Variants in SCAMP1 observed in about 807,000 individuals in gnomAD.
SCAMP1 encodes secretory carrier membrane protein 1.
SCAMP1 carries 15 observed loss-of-function variants against 41.8 expected under a neutral mutation model. The ratio of observed to expected loss-of-function variants is 0.36; its 90% CI spans 0.24 to 0.55. The LOEUF is 0.55. Ranked by LOEUF, SCAMP1 falls within the 20% of genes least tolerant of loss-of-function variation. SCAMP1 has a pLI of 0.86. For missense variants in SCAMP1, 341 were observed against 412.6 expected (o/e 0.83, Z 1.50); for synonymous variants, 135 against 136.8 (o/e 0.99, Z 0.09).
chr5:78,459,519 A>G (rs1753529632), intron 8 of SCAMP1, among the ~76,000 whole-genome samples, 157 bp downstream of exon 8: 1 of 152,236 alleles, frequency 6.6e-6, no homozygotes. Flanking sequence ...AGTTATGCAT[A>G]AGTACATTTT....
Position 78,460,755 on chromosome 5 carries a change from T to TCCGTCCGTC in SCAMP1, c.852+1395_852+1396insGTCCGTCCC, listed in dbSNP as rs1207975167. ...TTGGTTTCTTTTCTCCTTCCTTCCTTCCTTCCTTCCTTCCTTCCTTCCTTC... is the reference window on the plus strand; with the variant it reads ...TTGGTTTCTTTTCTCCTTCCTTCCTTCCGTCCGTCCCTTCCTTCCTTCCTTCCTTCCTTC... On this transcript the variant is annotated intron_variant, in intron 8 of 8. Transcript: ENST00000621999. Among the ~76,000 whole-genome samples, 71 of 24,320 alleles carry TCCGTCCGTC rather than the reference T, an allele frequency of 2.9e-3. 1 individual carries two copies. Among genetic ancestry groups the TCCGTCCGTC allele is most frequent in the African/African-American group, 0.017 (70 of 4,096 alleles). 16.0% of individuals were successfully genotyped at this position (24,320 alleles called of 152,430 possible). A position where few individuals can be genotyped will look rare whatever the true frequency, so the allele number is the denominator to read the frequency against.
Position 78,462,591 on chromosome 5 carries a change from G to T in SCAMP1, c.852+3229G>T, listed in dbSNP as rs144988116. ...TACTTGCCTTGGCCTCCCAAAGTTC[G>T]GGATTACAGGTGTGAGCCACCACAC... On this transcript the variant is annotated intron_variant, in intron 8 of 8. Coordinates refer to ENST00000621999, the MANE Select transcript of SCAMP1 (RefSeq NM_004866.6). Among the ~76,000 whole-genome samples the T allele has an allele frequency of 8.9e-3, 1,348 of 152,134 alleles. 16 individuals are homozygous for T. Among genetic ancestry groups the T allele is most frequent in the African/African-American group, 0.031 (1,270 of 41,506 alleles).
intron 2 of SCAMP1, among the ~76,000 whole-genome samples, chr5:78,414,325 C>T (rs2112134120): frequency 6.6e-6 from 1 of 151,956 alleles, no homozygotes; most frequent in South Asian, 2.1e-4. Flanking sequence ...CTCTGTCTCC[C>T]AGGCTGGAGT....
At chr5:78,471,970 A>C (rs1405380818) in intron 8 of SCAMP1, among the ~76,000 whole-genome samples, 1 of 152,054 alleles carries the variant, frequency 6.6e-6, no homozygotes, top group Non-Finnish European at 1.5e-5. Context: ...TTTTCCTAGA[A>C]CTAAATATTA....
At chr5:78,447,991 CCTCCT>C (rs1561280711) in intron 6 of SCAMP1, among the ~76,000 whole-genome samples, 5 of 30,892 alleles carry the variant, frequency 1.6e-4, no homozygotes, top group East Asian at 1.1e-3. Flanking sequence ...CCCGTCCTCT[CCTCCT>C]CCCTCCTCTC....
chr5:78,466,484 A>C (rs1280987961), intron 8 of SCAMP1, among the ~76,000 whole-genome samples: 2 of 152,170 alleles, frequency 1.3e-5, no homozygotes, highest in African/African-American at 4.8e-5. Flanking sequence ...GGTACCAGAG[A>C]GTGGGGATAC....
At chr5:78,460,654 A>T (rs1266554040) in intron 8 of SCAMP1, among the ~76,000 whole-genome samples, 1 of 150,804 alleles carries the variant, frequency 6.6e-6, no homozygotes, top group African/African-American at 2.5e-5. Flanking sequence ...GTCCTTTGTC[A>T]GATGCATAGT....
At chr5:78,362,593 A>T (rs1182789035) in intron 1 of SCAMP1, among the ~76,000 whole-genome samples, 1 of 152,240 alleles carries the variant, frequency 6.6e-6, no homozygotes, top group Non-Finnish European at 1.5e-5. Context: ...TGTAAAATGC[A>T]TCAGGGACAG....
In SCAMP1 at chr5:78,376,964, TAGG is replaced by T. The variant is rs141071759; in HGVS notation, c.58-11867_58-11865del. ...TTGACAGGGTGATCCTAAGAAAAGT[TAGG>T]AGGAGATTAAGCTTAGATATGAAGA... On this transcript the variant is annotated intron_variant, in intron 1 of 8. Coordinates refer to ENST00000621999, the MANE Select transcript of SCAMP1 (RefSeq NM_004866.6). 5.9e-3 allele frequency among the ~76,000 whole-genome samples: 904 copies of T among 152,278 alleles called. 10 individuals carry two copies. Among genetic ancestry groups the T allele is most frequent in the African/African-American group, 0.021 (864 of 41,554 alleles).
intron 1 of SCAMP1, among the ~76,000 whole-genome samples, chr5:78,369,768 A>G (rs577706800): frequency 1.3e-5 from 2 of 152,352 alleles, no homozygotes; most frequent in South Asian, 4.1e-4. Context: ...AAGTATGATC[A>G]GTTCAGCTAG....
rs1048895259 is a variant in SCAMP1 at position 78,480,001 on chromosome 5, T to G, written c.*4333T>G. Reference sequence around the variant, plus strand: ...GCGGAGCTTGCAGTGAGCCGAGATCTCTCCACTGCACTCCAGCCTGGGCGA... The same window carrying G: ...GCGGAGCTTGCAGTGAGCCGAGATCGCTCCACTGCACTCCAGCCTGGGCGA... On this transcript the variant is annotated 3_prime_UTR_variant, in exon 9 of 9. Coordinates refer to ENST00000621999, the MANE Select transcript of SCAMP1 (RefSeq NM_004866.6). Among the ~76,000 whole-genome samples, 7 of 150,840 alleles carry G rather than the reference T, an allele frequency of 4.6e-5. No homozygotes were observed. Among genetic ancestry groups the G allele is most frequent in the South Asian group, 2.1e-4 (1 of 4,764 alleles).
chr5:78,411,645 A>C (rs998106995), intron 2 of SCAMP1, among the ~76,000 whole-genome samples: 5 of 152,062 alleles, frequency 3.3e-5, no homozygotes, highest in Non-Finnish European at 7.4e-5. Context: ...ATACTTTCCT[A>C]TAGCTGTATC....
Position 78,388,872 on chromosome 5 carries a change from A to T in SCAMP1, c.93A>T (p.Pro31=). The change falls in exon 2 of 9, where the codon CCA becomes CCT. Residue 31 remains proline (P), a synonymous_variant. Transcript: ENST00000621999. ...TTACACAAGTGACAAGAAATGTTCC[A>T]CCAGGACTTGATGAATATAATCCAT... The part of the protein sequence containing the change: ...PSVTQVTRNV[P]PGLDEYNPFS... 1.4e-5 allele frequency: 22 copies of T among 1,564,878 alleles called. No individual in the cohort carries two copies. The highest frequency in any genetic ancestry group is 1.8e-5 in the Non-Finnish European group (21 of 1,139,786).
At chr5:78,426,211 T>G (rs988903507) in intron 6 of SCAMP1, among the ~76,000 whole-genome samples, 6 of 152,170 alleles carry the variant, frequency 3.9e-5, no homozygotes, top group African/African-American at 1.4e-4. Context: ...GGCATTTGGG[T>G]TGGTTCCAAG....
intron 8 of SCAMP1, among the ~76,000 whole-genome samples, chr5:78,474,621 T>C (rs1010681130): frequency 2.0e-5 from 3 of 152,168 alleles, no homozygotes; most frequent in African/African-American, 7.2e-5. Context: ...GCATTGGCCC[T>C]TCCCTAAGCC....
intron 2 of SCAMP1, among the ~76,000 whole-genome samples, chr5:78,392,997 T>G (rs1369775303): frequency 6.6e-6 from 1 of 152,202 alleles, no homozygotes; most frequent in Non-Finnish European, 1.5e-5. Flanking sequence ...CTACTTGAGG[T>G]CAAGAAGGAA....
chr5:78,363,899 G>C (rs556962349), intron 1 of SCAMP1, among the ~76,000 whole-genome samples: 2 of 152,156 alleles, frequency 1.3e-5, no homozygotes, highest in Admixed American at 1.3e-4. Context: ...GGCTTTCATT[G>C]CGCATCAAGA....
intron 1 of SCAMP1, among the ~76,000 whole-genome samples, chr5:78,370,276 T>C (rs931900136): frequency 6.6e-6 from 1 of 152,194 alleles, no homozygotes; most frequent in African/African-American, 2.4e-5. Flanking sequence ...TTGCAAATAT[T>C]GTAAGATGTT....
chr5:78,430,357 A>G (rs910237588), intron 6 of SCAMP1, among the ~76,000 whole-genome samples: 1 of 149,222 alleles, frequency 6.7e-6, no homozygotes, highest in East Asian at 1.9e-4. Context: ...GTACAGCTGT[A>G]TTGCTACAGT....
Sources: allele counts gnomAD v4.1 joint callset (sites outside exome capture counted in the v4.1 genomes callset), GRCh38; gene constraint gnomAD v4.1.1; transcripts MANE v1.5; gene names NCBI Gene and HGNC (gene_info 2026-07-23, HGNC 2026-07-21).